ANKS1B: variants seen among roughly 807,000 people sequenced by gnomAD.
ANKS1B encodes ankyrin repeat and sterile alpha motif domain-containing protein 1B.
A neutral mutation model predicts 148.3 loss-of-function variants in ANKS1B; 36 were observed. That is an observed-to-expected ratio of 0.24 (90% CI 0.19 to 0.32). The LOEUF is 0.32. Ranked by LOEUF, ANKS1B falls within the 10% of genes least tolerant of loss-of-function variation. The pLI, the probability that ANKS1B is intolerant of heterozygous loss-of-function variation, is 1.00. For missense variants in ANKS1B, 1,157 were observed against 1,542.6 expected (o/e 0.75, Z 4.19); for synonymous variants, 542 against 560.8 (o/e 0.97, Z 0.47).
intron 19 of ANKS1B, among the ~76,000 whole-genome samples, chr12:98,822,987 G>A (rs1375814241): frequency 6.6e-6 from 1 of 152,194 alleles, no homozygotes; most frequent in African/African-American, 2.4e-5. Flanking sequence ...TCCCAAAGTT[G>A]TCTCAGATAG....
chr12:99,271,313 C>G (rs898634971), intron 12 of ANKS1B, among the ~76,000 whole-genome samples: 2 of 152,096 alleles, frequency 1.3e-5, no homozygotes, highest in South Asian at 2.1e-4. Flanking sequence ...CTTCATGAAG[C>G]CTTTGTTGTT....
intron 4 of ANKS1B, among the ~76,000 whole-genome samples, chr12:99,803,788 T>C (rs2067261527): frequency 2.0e-5 from 3 of 152,208 alleles, no homozygotes; most frequent in Admixed American, 2.0e-4. Context: ...CGTGTTGGAC[T>C]TTCAAAGGTC....
At chr12:99,221,490 T>A (rs2085122606) in intron 14 of ANKS1B, among the ~76,000 whole-genome samples, 1 of 152,124 alleles carries the variant, frequency 6.6e-6, no homozygotes. Flanking sequence ...GCCCTTCACA[T>A]CAATAGAAAT....
At chr12:99,861,966 G>C (rs112964516) in intron 1 of ANKS1B, among the ~76,000 whole-genome samples, 4 of 151,564 alleles carry the variant, frequency 2.6e-5, no homozygotes, top group African/African-American at 9.7e-5. Context: ...AAAAGGAAGC[G>C]GGTGGGGCGG....
chr12:99,375,731 A>T (rs2093363776), intron 12 of ANKS1B, among the ~76,000 whole-genome samples: 1 of 152,212 alleles, frequency 6.6e-6, no homozygotes, highest in Non-Finnish European at 1.5e-5. Flanking sequence ...CTTTATAGCT[A>T]ACTCTTTGAA....
intron 12 of ANKS1B, among the ~76,000 whole-genome samples, chr12:99,260,444 T>C (rs1000665911): frequency 6.6e-6 from 1 of 152,204 alleles, no homozygotes; most frequent in African/African-American, 2.4e-5. Context: ...ATGAACAGCC[T>C]AGATTTTTCT....
intron 17 of ANKS1B, among the ~76,000 whole-genome samples, chr12:98,899,069 A>G (rs1280668477): frequency 6.6e-6 from 1 of 152,170 alleles, no homozygotes; most frequent in Admixed American, 6.5e-5. Context: ...AGAGATATGT[A>G]AGGCCCTTTG....
At chr12:98,753,175 T>G (rs970147007) in intron 25 of ANKS1B, among the ~76,000 whole-genome samples, 2 of 152,230 alleles carry the variant, frequency 1.3e-5, no homozygotes, top group Non-Finnish European at 2.9e-5. Context: ...ATCAGTCCTT[T>G]TCTCAAGATG....
chr12:98,819,072 T>C (rs1388960338), intron 19 of ANKS1B, among the ~76,000 whole-genome samples: 2 of 152,332 alleles, frequency 1.3e-5, no homozygotes, highest in African/African-American at 4.8e-5. Flanking sequence ...TGTTTTGAGG[T>C]AAGATTCTTA....
rs374794609 is a variant in ANKS1B, at chr12:98,999,463, A to G, written c.2778+53694T>C. Among the ~76,000 whole-genome samples the G allele has an allele frequency of 7.7e-4, 117 of 152,310 alleles. 1 individual carries two copies. The highest frequency in any genetic ancestry group is 2.8e-3 in the African/African-American group (115 of 41,562). ...CATCTTGGTGGTGATGACAGATGTT[A>G]CGTATATTACATTGGGATTTGGGTC... On this transcript the variant is annotated intron_variant, in intron 17 of 26. Coordinates refer to ENST00000683438, the MANE Select transcript of ANKS1B (RefSeq NM_001352186.2).
intron 16 of ANKS1B, among the ~76,000 whole-genome samples, chr12:99,071,674 G>C (rs1565891396): frequency 6.7e-6 from 1 of 149,254 alleles, no homozygotes; most frequent in African/African-American, 2.5e-5. Context: ...TTGAGATGGA[G>C]TCTCACTCTG....
In ANKS1B at chr12:99,345,991, T is replaced by C. The variant is rs553296885; in HGVS notation, c.1756+53640A>G. The stretch of plus-strand genomic sequence containing the variant: ...TAAGAGTTACATAGGGTTTGTAAAA[T>C]TGGGCTACTGGCATTATTTTTAGGA... On this transcript the variant is annotated intron_variant, in intron 12 of 26. Coordinates refer to ENST00000683438, the MANE Select transcript of ANKS1B (RefSeq NM_001352186.2). Among the ~76,000 whole-genome samples the C allele has an allele frequency of 2.0e-5, 3 of 152,150 alleles. No individual in the cohort carries two copies. In the South Asian group the frequency reaches 6.2e-4, roughly 32 times the overall value.
intron 10 of ANKS1B, among the ~76,000 whole-genome samples, chr12:99,486,659 A>G (rs1167230675): frequency 6.6e-6 from 1 of 152,130 alleles, no homozygotes; most frequent in Non-Finnish European, 1.5e-5. Context: ...AGGAGCTCAC[A>G]GTGATTTGCA....
chr12:98,839,395 G>A (rs73149068), intron 17 of ANKS1B, among the ~76,000 whole-genome samples: 2 of 151,506 alleles, frequency 1.3e-5, no homozygotes, highest in African/African-American at 4.8e-5. Context: ...ATGTATGTAT[G>A]TATCTATCTT....
chr12:99,815,123 GATC>G (rs976850692), intron 2 of ANKS1B, among the ~76,000 whole-genome samples: 8 of 151,604 alleles, frequency 5.3e-5, no homozygotes, highest in Non-Finnish European at 1.0e-4. Context: ...AGATTGATGG[GATC>G]ATCAATTCTA....
At chr12:99,481,074 G>A (rs554512875) in intron 10 of ANKS1B, among the ~76,000 whole-genome samples, 1 of 151,068 alleles carries the variant, frequency 6.6e-6, no homozygotes, top group Admixed American at 6.6e-5. Context: ...GTGGTTTTAT[G>A]TTACACGCAT....
intron 19 of ANKS1B, among the ~76,000 whole-genome samples, chr12:98,825,349 T>C (rs1167076743): frequency 6.6e-6 from 1 of 152,246 alleles, no homozygotes; most frequent in Non-Finnish European, 1.5e-5. Flanking sequence ...TTATTAATAC[T>C]ATTTAGATTG....
intron 9 of ANKS1B, among the ~76,000 whole-genome samples, chr12:99,558,206 G>T (rs2097297587): frequency 6.6e-6 from 1 of 152,124 alleles, no homozygotes; most frequent in Non-Finnish European, 1.5e-5. Context: ...GTATTCGTAT[G>T]CATGCTCACA....
intron 9 of ANKS1B, among the ~76,000 whole-genome samples, chr12:99,558,273 A>G (rs1395917795): frequency 6.6e-6 from 1 of 152,144 alleles, no homozygotes; most frequent in Non-Finnish European, 1.5e-5. Flanking sequence ...GGGTTGTCAG[A>G]GTCCATGTGC....
Sources: gnomAD v4.1 joint callset for allele counts (sites outside exome capture counted in the v4.1 genomes callset) on GRCh38, gnomAD v4.1.1 for gene constraint, MANE v1.5 for transcripts, NCBI Gene and HGNC (gene_info 2026-07-23, HGNC 2026-07-21) for gene names.